ZFPM2: variants seen among roughly 807,000 people sequenced by gnomAD.
ZFPM2 encodes zinc finger protein ZFPM2.
Under a neutral mutation model 98.6 loss-of-function variants are expected in ZFPM2, and 20 were observed. The observed-to-expected ratio is 0.20, with a 90% CI of 0.14 to 0.29. ZFPM2 has a LOEUF of 0.29. Among genes scored for constraint, ZFPM2 ranks in the 10% least tolerant of loss-of-function variants. The pLI, the probability that ZFPM2 is intolerant of heterozygous loss-of-function variation, is 1.00. For synonymous variants in ZFPM2, 518 were observed against 502.7 expected (o/e 1.03, Z -0.41); for missense variants, 1,310 against 1,388.6 (o/e 0.94, Z 0.90).
At chr8:105,492,873 G>A (rs1256988425) in intron 3 of ZFPM2, among the ~76,000 whole-genome samples, 1 of 152,112 alleles carries the variant, frequency 6.6e-6, no homozygotes, top group Admixed American at 6.5e-5. Context: ...ATACTGTAAA[G>A]TAAAATATAA....
chr8:105,592,768 G>A (rs1240961332), intron 4 of ZFPM2, among the ~76,000 whole-genome samples: 1 of 152,074 alleles, frequency 6.6e-6, no homozygotes, highest in Middle Eastern at 3.2e-3. Flanking sequence ...GAGTTCTAAG[G>A]CCACAAAAGG....
At chr8:105,621,240 C>T (rs1313782488) in intron 4 of ZFPM2, among the ~76,000 whole-genome samples, 3 of 152,160 alleles carry the variant, frequency 2.0e-5, no homozygotes, top group Non-Finnish European at 4.4e-5. Context: ...AAGAGTCCTT[C>T]ACATCCCTTG....
intron 3 of ZFPM2, among the ~76,000 whole-genome samples, chr8:105,468,964 GTT>G (rs769144598): frequency 3.5e-5 from 5 of 144,686 alleles, no homozygotes; most frequent in Admixed American, 6.9e-5. Context: ...ATACAAAGCA[GTT>G]TTTTTTTTTT....
chr8:105,380,886 TATA>T (rs1228171436), intron 1 of ZFPM2, among the ~76,000 whole-genome samples: 4 of 93,340 alleles, frequency 4.3e-5, no homozygotes, highest in Admixed American at 1.7e-4. Context: ...TTATATATAT[TATA>T]ATATATATAA....
intron 4 of ZFPM2, among the ~76,000 whole-genome samples, chr8:105,632,599 C>T (rs964782591): frequency 3.9e-5 from 6 of 152,222 alleles, no homozygotes; most frequent in African/African-American, 1.4e-4. Context: ...TTTGTTTCTC[C>T]TCTAATTCTA....
chr8:105,563,928 A>G (rs564497313), intron 4 of ZFPM2, among the ~76,000 whole-genome samples: 1 of 152,106 alleles, frequency 6.6e-6, no homozygotes, highest in Non-Finnish European at 1.5e-5. Context: ...AAAAGGATAT[A>G]TTTACTAAAA....
chr8:105,771,979 T>G (rs1431581375), intron 5 of ZFPM2, among the ~76,000 whole-genome samples: 1 of 152,056 alleles, frequency 6.6e-6, no homozygotes, highest in African/African-American at 2.4e-5. Context: ...ATATTGTGCA[T>G]CTTCAACAAA....
chr8:105,713,322 T>C (rs1457982797), intron 5 of ZFPM2, among the ~76,000 whole-genome samples: 1 of 152,166 alleles, frequency 6.6e-6, no homozygotes, highest in East Asian at 1.9e-4. Context: ...TTGTATTTCT[T>C]CTTTTGAAGA....
chr8:105,496,966 G>C (rs1159356667), intron 3 of ZFPM2, among the ~76,000 whole-genome samples: 2 of 112,914 alleles, frequency 1.8e-5, no homozygotes, highest in African/African-American at 6.5e-5. Context: ...TGGGCAACAA[G>C]AGTGAAACTC....
At chr8:105,501,204 A>G (rs1436523209) in intron 3 of ZFPM2, among the ~76,000 whole-genome samples, 5 of 141,264 alleles carry the variant, frequency 3.5e-5, no homozygotes, top group Non-Finnish European at 7.6e-5. Context: ...TTTTTTTGAG[A>G]TGGAGTCTTG....
At chr8:105,445,610 C>T (rs1180043939) in intron 3 of ZFPM2, among the ~76,000 whole-genome samples, 1 of 151,128 alleles carries the variant, frequency 6.6e-6, no homozygotes, top group African/African-American at 2.4e-5. Context: ...TATTATAGTT[C>T]CTTTTTTTTT....
chr8:105,629,456 A>G (rs1467992636), intron 4 of ZFPM2, among the ~76,000 whole-genome samples: 1 of 152,216 alleles, frequency 6.6e-6, no homozygotes, highest in African/African-American at 2.4e-5. Context: ...TTTAACTGTA[A>G]TCAATAAATG....
chr8:105,681,782 A>G (rs1439062607), intron 5 of ZFPM2, among the ~76,000 whole-genome samples: 1 of 152,070 alleles, frequency 6.6e-6, no homozygotes, highest in South Asian at 2.1e-4. Context: ...CATTAGGGGA[A>G]ACCAGTTGGC....
intron 5 of ZFPM2, among the ~76,000 whole-genome samples, chr8:105,702,556 T>G (rs892956946): frequency 1.3e-5 from 2 of 152,230 alleles, no homozygotes; most frequent in African/African-American, 4.8e-5. Context: ...AACAGAGCTT[T>G]TCCCAGGAAA....
At position 105,729,308 on chromosome 8, in the gene ZFPM2, C is replaced by A. The variant is rs181844200; in HGVS notation, c.533-59410C>A. On this transcript the variant is annotated intron_variant, in intron 5 of 7. Transcript: ENST00000407775. Reference sequence around the variant, plus strand: ...TACAACACCTATATAAGGCTCATTACAATGAGCCTTAATTAAAGCACTCAG... The same window carrying A: ...TACAACACCTATATAAGGCTCATTAAAATGAGCCTTAATTAAAGCACTCAG... Among the ~76,000 whole-genome samples, 572 of 151,650 alleles carry A rather than the reference C, an allele frequency of 3.8e-3. 2 individuals are homozygous for A. The highest frequency in any genetic ancestry group is 7.6e-3 in the Admixed American group (116 of 15,174).
rs549619529 is a variant in ZFPM2 at position 105,750,918 on chromosome 8, A to T, written c.533-37800A>T. 3.9e-5 allele frequency among the ~76,000 whole-genome samples: 6 copies of T among 152,222 alleles called. No homozygotes were observed. In the South Asian group the frequency reaches 1.2e-3, roughly 32 times the overall value. On this transcript the variant is annotated intron_variant, in intron 5 of 7. Transcript: ENST00000407775. ...CTAAAGAGAGTTTTCGTCACCCAGG[A>T]TATGTTAACACTACCCTTTGTCTGA...
intron 5 of ZFPM2, among the ~76,000 whole-genome samples, chr8:105,684,014 C>A (rs1810672781): frequency 6.6e-6 from 1 of 152,098 alleles, no homozygotes; most frequent in African/African-American, 2.4e-5. Context: ...ATAAAACACC[C>A]TGAGGACATC....
intron 5 of ZFPM2, among the ~76,000 whole-genome samples, chr8:105,681,505 T>TTG (rs1191046545): frequency 6.6e-6 from 1 of 152,140 alleles, no homozygotes; most frequent in Non-Finnish European, 1.5e-5. Flanking sequence ...AGGTACATGA[T>TTG]TGTGTGTGTG....
intron 5 of ZFPM2, among the ~76,000 whole-genome samples, chr8:105,704,753 C>T (rs926703649): frequency 6.6e-6 from 1 of 152,162 alleles, no homozygotes; most frequent in African/African-American, 2.4e-5. Context: ...GATGTGCTGC[C>T]TCATAAGGGA....
Sources: gnomAD v4.1 joint callset for allele counts (sites outside exome capture counted in the v4.1 genomes callset) on GRCh38, gnomAD v4.1.1 for gene constraint, MANE v1.5 for transcripts, NCBI Gene and HGNC (gene_info 2026-07-23, HGNC 2026-07-21) for gene names.